FAF1: variants seen among roughly 807,000 people sequenced by gnomAD.
The protein encoded by FAF1 is Fas associated factor 1.
A neutral mutation model predicts 92.5 loss-of-function variants in FAF1; 25 were observed. The ratio of observed to expected loss-of-function variants is 0.27; its 90% CI spans 0.20 to 0.38. The LOEUF (loss-of-function observed/expected upper bound fraction) is 0.38, where lower values mean the gene tolerates loss of function less well. Among genes scored for constraint, FAF1 ranks in the 10% least tolerant of loss-of-function variants. FAF1 has a pLI of 1.00. For missense variants in FAF1, 636 were observed against 793.3 expected (o/e 0.80, Z 2.38); for synonymous variants, 234 against 273.2 (o/e 0.86, Z 1.42).
intron 8 of FAF1, among the ~76,000 whole-genome samples, chr1:50,600,938 C>G (rs1652090783): frequency 6.6e-6 from 1 of 152,072 alleles, no homozygotes; most frequent in Non-Finnish European, 1.5e-5. Flanking sequence ...TGGTAAATGT[C>G]AATGAATATA....
intron 4 of FAF1, among the ~76,000 whole-genome samples, chr1:50,762,255 C>A (rs997489813): frequency 6.6e-6 from 1 of 152,162 alleles, no homozygotes; most frequent in Non-Finnish European, 1.5e-5. Context: ...GTGAAAATGG[C>A]CATACTGCCC....
rs574726698 is a variant in FAF1, at chr1:50,777,979, T to A, written c.367+10021A>T. ...ACTTGAAGGTCAAAAGAAGAATGTT[T>A]ATGTATGCCAAAAACATGTACAAGA... On this transcript the variant is annotated intron_variant, in intron 4 of 18. Coordinates refer to ENST00000396153, the MANE Select transcript of FAF1 (RefSeq NM_007051.3). 3.3e-5 allele frequency among the ~76,000 whole-genome samples: 5 copies of A among 152,306 alleles called. No homozygotes were observed. The South Asian group carries it at 1.0e-3, about 32-fold the overall frequency.
At chr1:50,799,642 T>C (rs983887317) in intron 3 of FAF1, among the ~76,000 whole-genome samples, 1 of 152,222 alleles carries the variant, frequency 6.6e-6, no homozygotes, top group African/African-American at 2.4e-5. Context: ...AAGTTCATTA[T>C]CTCATGAGAA....
chr1:50,810,915 G>A (rs1228773556), intron 2 of FAF1, among the ~76,000 whole-genome samples: 1 of 152,130 alleles, frequency 6.6e-6, no homozygotes, highest in South Asian at 2.1e-4. Context: ...CTGGCATGGT[G>A]GCACCTGTGG....
At chr1:50,687,747 A>G (rs550783813) in intron 7 of FAF1, among the ~76,000 whole-genome samples, 2 of 151,900 alleles carry the variant, frequency 1.3e-5, no homozygotes, top group Non-Finnish European at 2.9e-5. Context: ...TTTCAAAGAA[A>G]AAAAAAAAAG....
chr1:50,709,527 T>A (rs1657827937), intron 6 of FAF1, among the ~76,000 whole-genome samples: 1 of 152,322 alleles, frequency 6.6e-6, no homozygotes, highest in South Asian at 2.1e-4. Context: ...AGGTTTCATT[T>A]TACTCACAAA....
chr1:50,491,648 A>G (rs1012391989), intron 16 of FAF1, 73 bp downstream of exon 16: 5 of 1,068,230 alleles, frequency 4.7e-6, no homozygotes. Flanking sequence ...TTTAGGGATC[A>G]AAGTGATAAA....
At position 50,475,636 on chromosome 1, in the gene FAF1, T is replaced by C; in HGVS notation, c.1697A>G (p.Lys566Arg). 6.2e-7 allele frequency: 1 copy of C among 1,613,996 alleles called. No homozygotes were observed. The highest frequency in any genetic ancestry group is 8.5e-7 in the Non-Finnish European group (1 of 1,179,966). Reference protein sequence around the residue: ...SLEQALPPEPKEENAEPVSKL... With the variant: ...SLEQALPPEPREENAEPVSKL... ...GCTCACAGGCTCAGCATTTTCTTCC[T>C]TTGGCTCAGGAGGCAGGGCTTGCTC... The change falls in exon 18 of 19, where the codon AAG becomes AGG. Residue 566 changes from lysine to arginine, a missense_variant. By Grantham distance (26) the Lys-to-Arg change is conservative. Around this residue, in one of 2 missense-constraint regions of FAF1, gnomAD observed 319 missense variants for 451.0 expected, o/e 0.71. Transcript: ENST00000396153.
intron 1 of FAF1, among the ~76,000 whole-genome samples, chr1:50,893,745 A>G (rs946724529): frequency 6.6e-5 from 10 of 152,200 alleles, no homozygotes; most frequent in Non-Finnish European, 1.0e-4. Context: ...GCAGATGGTG[A>G]AGCCAACCAA....
intron 1 of FAF1, among the ~76,000 whole-genome samples, chr1:50,923,580 G>A (rs1241105626): frequency 2.0e-5 from 3 of 151,978 alleles, no homozygotes. Context: ...TTCCTTCTAT[G>A]AGACAGCATT....
At position 50,705,881 on chromosome 1, in the gene FAF1, C is replaced by A; in HGVS notation, c.562G>T (p.Glu188Ter). The A allele has an allele frequency of 6.2e-7, 1 of 1,605,570 alleles. No individual in the cohort carries two copies. The highest frequency in any genetic ancestry group is 8.5e-7 in the Non-Finnish European group (1 of 1,172,916). The change falls in exon 7 of 19, where the codon GAG becomes TAG. Residue 188 changes from glutamate (E) to a stop codon, truncating the protein, a stop_gained. Transcript: ENST00000396153. LOFTEE classifies it high-confidence loss of function. ...SSSSHAGALQ[E>*]SLNQNFMLII... ...AGCATGAAGTTTTGATTTAATGACTCCTGCAGGGCACTGAAAGGGTTGAAA... is the reference window on the plus strand; with the variant it reads ...AGCATGAAGTTTTGATTTAATGACTACTGCAGGGCACTGAAAGGGTTGAAA...
intron 8 of FAF1, among the ~76,000 whole-genome samples, chr1:50,629,073 A>T (rs1418060658): frequency 6.6e-6 from 1 of 152,152 alleles, no homozygotes; most frequent in East Asian, 1.9e-4. Flanking sequence ...GTATATAATA[A>T]ATATTTTTAA....
intron 1 of FAF1, among the ~76,000 whole-genome samples, chr1:50,951,460 T>C (rs1645213851): frequency 1.3e-5 from 2 of 152,202 alleles, no homozygotes; most frequent in Non-Finnish European, 2.9e-5. Flanking sequence ...TCACTTTACA[T>C]GTGCTATCTT....
intron 7 of FAF1, among the ~76,000 whole-genome samples, chr1:50,692,241 C>CCGTGTG (rs1656961832): frequency 2.3e-5 from 3 of 129,082 alleles, no homozygotes; most frequent in South Asian, 5.7e-4. Context: ...GAAGTATTTA[C>CCGTGTG]TGTGTGTGTG....
chr1:50,912,431 G>A (rs905394879), intron 1 of FAF1, among the ~76,000 whole-genome samples: 5 of 152,082 alleles, frequency 3.3e-5, no homozygotes, highest in African/African-American at 7.2e-5. Context: ...TAGTGGAAAA[G>A]GAGCCTTGCC....
At chr1:50,941,750 G>A (rs1317147077) in intron 1 of FAF1, among the ~76,000 whole-genome samples, 1 of 152,094 alleles carries the variant, frequency 6.6e-6, no homozygotes, top group African/African-American at 2.4e-5. Flanking sequence ...ACAATAGAAG[G>A]GAAATATGTT....
At chr1:50,862,600 G>T (rs1232455200) in intron 1 of FAF1, among the ~76,000 whole-genome samples, 1 of 151,780 alleles carries the variant, frequency 6.6e-6, no homozygotes, top group Non-Finnish European at 1.5e-5. Context: ...ATATAGAATG[G>T]CAGAATGGAT....
At chr1:50,547,806 G>A (rs913764505) in intron 13 of FAF1, among the ~76,000 whole-genome samples, 1 of 152,186 alleles carries the variant, frequency 6.6e-6, no homozygotes, top group African/African-American at 2.4e-5. Flanking sequence ...TTAATAACAA[G>A]GGTATAGCTA....
intron 2 of FAF1, among the ~76,000 whole-genome samples, chr1:50,806,027 T>C (rs1662183419): frequency 6.6e-6 from 1 of 151,866 alleles, no homozygotes; most frequent in African/African-American, 2.4e-5. Context: ...AAATTGGACA[T>C]TAAAATTCAT....
Sources: allele counts gnomAD v4.1 joint callset (sites outside exome capture counted in the v4.1 genomes callset), GRCh38; gene constraint gnomAD v4.1.1; regional missense constraint gnomAD v4.1.1; transcripts MANE v1.5; gene names NCBI Gene and HGNC (gene_info 2026-07-23, HGNC 2026-07-21).